Variants in ARHGAP24 observed in about 807,000 individuals in gnomAD.
ARHGAP24 encodes the protein Rho GTPase activating protein 24, also known as rho GTPase-activating protein 24.
Under a neutral mutation model 76.4 loss-of-function variants are expected in ARHGAP24, and 50 were observed. That is an observed-to-expected ratio of 0.65 (90% confidence interval 0.52 to 0.83). The LOEUF (loss-of-function observed/expected upper bound fraction) is 0.83. Among genes scored for constraint, ARHGAP24 ranks in the 40% least tolerant of loss-of-function variants. The probability of loss-of-function intolerance (pLI) is 0.00; values close to 1 mark genes in which losing one functional copy is unlikely to be tolerated. For missense variants in ARHGAP24, 930 were observed against 914.2 expected (o/e 1.02, Z -0.22); for synonymous variants, 345 against 323.3 (o/e 1.07, Z -0.72).
intron 3 of ARHGAP24, among the ~76,000 whole-genome samples, chr4:85,818,604 G>C (rs1434054794): frequency 6.6e-6 from 1 of 152,138 alleles, no homozygotes; most frequent in Non-Finnish European, 1.5e-5. Context: ...ATCATCAAAA[G>C]GGCCTCAGTT....
At chr4:85,885,861 T>G (rs937119763) in intron 3 of ARHGAP24, among the ~76,000 whole-genome samples, 1 of 152,130 alleles carries the variant, frequency 6.6e-6, no homozygotes, top group Non-Finnish European at 1.5e-5. Flanking sequence ...GATACTTTAT[T>G]TATTATCTTT....
chr4:85,750,435 A>G (rs1305886957), intron 3 of ARHGAP24, among the ~76,000 whole-genome samples: 1 of 145,326 alleles, frequency 6.9e-6, no homozygotes, highest in Non-Finnish European at 1.5e-5. Flanking sequence ...GAGTGGCTCC[A>G]TCTCACCCTT....
At chr4:85,777,289 G>A (rs1464476719) in intron 3 of ARHGAP24, among the ~76,000 whole-genome samples, 3 of 152,186 alleles carry the variant, frequency 2.0e-5, no homozygotes, top group African/African-American at 4.8e-5. Context: ...CAGGGCAAGA[G>A]TAGATGCCTT....
At chr4:85,619,244 T>A (rs1428381481) in intron 2 of ARHGAP24, among the ~76,000 whole-genome samples, 2 of 152,238 alleles carry the variant, frequency 1.3e-5, no homozygotes, top group East Asian at 3.9e-4. Flanking sequence ...CTGTGTGTGC[T>A]TGTCATCTTT....
At chr4:85,926,916 A>T (rs1238464065) in intron 4 of ARHGAP24, among the ~76,000 whole-genome samples, 1 of 152,230 alleles carries the variant, frequency 6.6e-6, no homozygotes. Context: ...GGTAGTAAAG[A>T]ACCCACAATT....
At chr4:85,655,398 T>C (rs902766040) in intron 2 of ARHGAP24, among the ~76,000 whole-genome samples, 1 of 152,190 alleles carries the variant, frequency 6.6e-6, no homozygotes, top group African/African-American at 2.4e-5. Context: ...TGAATAGGAA[T>C]TTTAATTCTT....
intron 1 of ARHGAP24, among the ~76,000 whole-genome samples, chr4:85,549,953 A>T (rs1374034273): frequency 1.3e-5 from 2 of 152,200 alleles, no homozygotes; most frequent in Non-Finnish European, 2.9e-5. Context: ...TTATGGCTAC[A>T]TAGTATTCCA....
intron 2 of ARHGAP24, among the ~76,000 whole-genome samples, chr4:85,648,150 C>T (rs1429860957): frequency 1.3e-5 from 2 of 152,094 alleles, no homozygotes; most frequent in Admixed American, 1.3e-4. Context: ...GAACCAAAAC[C>T]TTGACTCAAT....
chr4:85,486,182 G>C (rs1393585213), intron 1 of ARHGAP24, among the ~76,000 whole-genome samples: 1 of 152,134 alleles, frequency 6.6e-6, no homozygotes, highest in Non-Finnish European at 1.5e-5. Context: ...ACCATTCCTT[G>C]ACAGATTTCA....
chr4:85,610,367 C>A (rs975067557), intron 2 of ARHGAP24, among the ~76,000 whole-genome samples: 1 of 137,740 alleles, frequency 7.3e-6, no homozygotes, highest in Non-Finnish European at 1.5e-5. Context: ...TGGCGTGAAC[C>A]TGGGAGGTGG....
intron 9 of ARHGAP24, among the ~76,000 whole-genome samples, chr4:85,999,067 G>A (rs1740852040): frequency 6.6e-6 from 1 of 152,100 alleles, no homozygotes; most frequent in Non-Finnish European, 1.5e-5. Context: ...GCATTGGGAG[G>A]GATTTCTTCT....
At chr4:85,716,231 G>C (rs1489657750) in intron 2 of ARHGAP24, among the ~76,000 whole-genome samples, 1 of 151,872 alleles carries the variant, frequency 6.6e-6, no homozygotes, top group Admixed American at 6.6e-5. Context: ...TGTGGTTTTG[G>C]CTCAGTGATC....
chr4:85,859,955 C>A (rs1162063948), intron 3 of ARHGAP24, among the ~76,000 whole-genome samples: 2 of 152,140 alleles, frequency 1.3e-5, no homozygotes, highest in East Asian at 3.9e-4. Flanking sequence ...AAGCATTTTT[C>A]CTGATATTAA....
At chr4:85,760,891 G>A (rs142031428) in intron 3 of ARHGAP24, among the ~76,000 whole-genome samples, 30 of 152,276 alleles carry the variant, frequency 2.0e-4, no homozygotes, top group African/African-American at 7.0e-4. Context: ...CTTGACAGAT[G>A]CACATGTGTT....
chr4:85,906,585 T>C (rs1221755152), intron 3 of ARHGAP24, among the ~76,000 whole-genome samples: 1 of 152,202 alleles, frequency 6.6e-6, no homozygotes, highest in Non-Finnish European at 1.5e-5. Flanking sequence ...GCTCTAGCTT[T>C]ACAAGCTAAC....
chr4:85,762,688 G>T (rs1257403405), intron 3 of ARHGAP24, among the ~76,000 whole-genome samples: 1 of 152,130 alleles, frequency 6.6e-6, no homozygotes, highest in Non-Finnish European at 1.5e-5. Context: ...GATTCTTCCA[G>T]GTCCGTCTGA....
intron 3 of ARHGAP24, among the ~76,000 whole-genome samples, chr4:85,888,945 G>C (rs1158104687): frequency 6.6e-6 from 1 of 152,116 alleles, no homozygotes; most frequent in Non-Finnish European, 1.5e-5. Context: ...TCCCTGCAAA[G>C]GACATGATCT....
At chr4:85,920,257 T>C (rs1735649635) in intron 3 of ARHGAP24, among the ~76,000 whole-genome samples, 1 of 152,220 alleles carries the variant, frequency 6.6e-6, no homozygotes, top group South Asian at 2.1e-4. Context: ...GTGCTAGTAT[T>C]TTTATTGCTT....
intron 1 of ARHGAP24, among the ~76,000 whole-genome samples, chr4:85,494,944 A>G (rs1298576038): frequency 1.3e-5 from 2 of 151,644 alleles, no homozygotes; most frequent in African/African-American, 4.8e-5. Flanking sequence ...TAAAAATACA[A>G]GAAATTAGCT....
Sources: gnomAD v4.1 joint callset for allele counts (sites outside exome capture counted in the v4.1 genomes callset) on GRCh38, gnomAD v4.1.1 for gene constraint, MANE v1.5 for transcripts, NCBI Gene and HGNC (gene_info 2026-07-23, HGNC 2026-07-21) for gene names.